Variants in CHST8 observed in about 807,000 individuals in gnomAD.
CHST8 encodes carbohydrate sulfotransferase 8.
In CHST8, 10 loss-of-function variants were observed where a neutral mutation model predicts 15.0. The observed-to-expected ratio is 0.67, with a 90% CI of 0.41 to 1.13. CHST8 has a LOEUF of 1.13. Ranked by LOEUF, CHST8 falls within the 50% of genes most tolerant of loss-of-function variation. CHST8 has a pLI of 0.00. For synonymous variants in CHST8, 259 were observed against 256.6 expected (o/e 1.01, Z -0.09); for missense variants, 634 against 608.2 (o/e 1.04, Z -0.45).
chr19:33,711,257 T>A (rs1367726137), intron 3 of CHST8, among the ~76,000 whole-genome samples: 1 of 152,162 alleles, frequency 6.6e-6, no homozygotes, highest in Non-Finnish European at 1.5e-5. Flanking sequence ...CTCACTCAGC[T>A]CTTTCAGAAG....
intron 1 of CHST8, among the ~76,000 whole-genome samples, chr19:33,642,866 G>A (rs1972301650): frequency 6.6e-6 from 1 of 152,064 alleles, no homozygotes; most frequent in African/African-American, 2.4e-5. Context: ...TATGCCTACC[G>A]CACATAACCT....
chr19:33,700,815 A>G (rs1973317954), intron 3 of CHST8, among the ~76,000 whole-genome samples: 1 of 152,182 alleles, frequency 6.6e-6, no homozygotes, highest in Non-Finnish European at 1.5e-5. Flanking sequence ...ACACACCCAC[A>G]CTGTGCTTTA....
chr19:33,727,577 C>T (rs1973924759), intron 3 of CHST8, among the ~76,000 whole-genome samples: 1 of 152,174 alleles, frequency 6.6e-6, no homozygotes, highest in Admixed American at 6.5e-5. Context: ...TCTTGTCGCG[C>T]CTGGCTTTAT....
At chr19:33,720,762 A>G (rs1015700012) in intron 3 of CHST8, among the ~76,000 whole-genome samples, 1 of 152,262 alleles carries the variant, frequency 6.6e-6, no homozygotes, top group African/African-American at 2.4e-5. Flanking sequence ...CCTCCAGGGC[A>G]GGCCCCCACT....
intron 1 of CHST8, among the ~76,000 whole-genome samples, chr19:33,635,750 G>C (rs145495357): frequency 6.6e-6 from 1 of 152,150 alleles, no homozygotes; most frequent in African/African-American, 2.4e-5. Context: ...CGATGGTCAG[G>C]GTTCACTGGA....
intron 1 of CHST8, among the ~76,000 whole-genome samples, chr19:33,644,185 A>C (rs1972320435): frequency 6.6e-6 from 1 of 152,176 alleles, no homozygotes; most frequent in South Asian, 2.1e-4. Context: ...CACCCACCTC[A>C]GCCTCCCAAA....
intron 3 of CHST8, among the ~76,000 whole-genome samples, chr19:33,707,743 T>C (rs1973474793): frequency 6.6e-6 from 1 of 152,234 alleles, no homozygotes; most frequent in Non-Finnish European, 1.5e-5. Flanking sequence ...TATGCAAACC[T>C]ATGTTTTCAT....
chr19:33,690,837 C>A (rs187929557), intron 3 of CHST8, among the ~76,000 whole-genome samples: 1 of 152,198 alleles, frequency 6.6e-6, no homozygotes. Flanking sequence ...GGGCAGACAG[C>A]GAGCTGGTAC....
At chr19:33,729,574 G>C (rs1290902245) in intron 3 of CHST8, among the ~76,000 whole-genome samples, 1 of 152,242 alleles carries the variant, frequency 6.6e-6, no homozygotes, top group Non-Finnish European at 1.5e-5. Context: ...GCACCATCTT[G>C]GAGGCTGCCT....
At chr19:33,656,126 C>T (rs1030399422) in intron 1 of CHST8, among the ~76,000 whole-genome samples, 1 of 152,072 alleles carries the variant, frequency 6.6e-6, no homozygotes, top group Non-Finnish European at 1.5e-5. Context: ...CTCCTTGATG[C>T]AAGAGAGGTA....
At chr19:33,732,180 G>T (rs1974008507) in intron 3 of CHST8, among the ~76,000 whole-genome samples, 1 of 152,196 alleles carries the variant, frequency 6.6e-6, no homozygotes, top group Non-Finnish European at 1.5e-5. Flanking sequence ...TTAAAGATGA[G>T]GTCAAGCACA....
At chr19:33,642,684 C>T (rs778521732) in intron 1 of CHST8, among the ~76,000 whole-genome samples, 28 of 152,170 alleles carry the variant, frequency 1.8e-4, no homozygotes, top group Non-Finnish European at 8.8e-5. Flanking sequence ...AGATTCCCTG[C>T]GGAAATGCCT....
At chr19:33,720,497 A>ACAC (rs1258288721) in intron 3 of CHST8, among the ~76,000 whole-genome samples, 1 of 152,136 alleles carries the variant, frequency 6.6e-6, no homozygotes, top group Non-Finnish European at 1.5e-5. Context: ...CACACCACAC[A>ACAC]CACCACATAT....
intron 3 of CHST8, among the ~76,000 whole-genome samples, chr19:33,717,913 A>G (rs562525875): frequency 6.6e-6 from 1 of 152,298 alleles, no homozygotes; most frequent in South Asian, 2.1e-4. Context: ...AGTCACATTC[A>G]GAGGTACTGG....
intron 3 of CHST8, among the ~76,000 whole-genome samples, chr19:33,757,528 GAAAGAAAGAAAGAAAGAA>G (rs1974613923): frequency 6.5e-5 from 2 of 30,870 alleles, no homozygotes; most frequent in South Asian, 9.7e-4. Flanking sequence ...GAAAGAGAAA[GAAAGAAAGAAAGAAAGAA>G]AGAAAGAAAG....
chr19:33,768,283 G>A (rs1262492465), intron 3 of CHST8, among the ~76,000 whole-genome samples: 1 of 152,100 alleles, frequency 6.6e-6, no homozygotes, highest in Non-Finnish European at 1.5e-5. Flanking sequence ...TTATTCGAAA[G>A]TGAACTTGTA....
intron 3 of CHST8, among the ~76,000 whole-genome samples, chr19:33,760,530 G>C (rs1242854367): frequency 6.6e-6 from 1 of 151,530 alleles, no homozygotes; most frequent in East Asian, 1.9e-4. Flanking sequence ...ATGTTGTCCA[G>C]GCTGGTCTTA....
At chr19:33,770,305 G>C (rs1417279628) in intron 3 of CHST8, among the ~76,000 whole-genome samples, 1 of 152,228 alleles carries the variant, frequency 6.6e-6, no homozygotes, top group Non-Finnish European at 1.5e-5. Flanking sequence ...GTCGGGCATG[G>C]TGCCCCGGCG....
chr19:33,681,331 A>T (rs1972885574), intron 2 of CHST8, among the ~76,000 whole-genome samples: 1 of 152,182 alleles, frequency 6.6e-6, no homozygotes, highest in South Asian at 2.1e-4. Flanking sequence ...TCAGTTTGAC[A>T]CTTGCAGTGT....
Sources: gnomAD v4.1 joint callset for allele counts (sites outside exome capture counted in the v4.1 genomes callset) on GRCh38, gnomAD v4.1.1 for gene constraint, MANE v1.5 for transcripts, NCBI Gene and HGNC (gene_info 2026-07-23, HGNC 2026-07-21) for gene names.